ADAMTS3: variants seen among roughly 807,000 people sequenced by gnomAD.
ADAMTS3 encodes the protein ADAM metallopeptidase with thrombospondin type 1 motif 3.
In ADAMTS3, 73 loss-of-function variants were observed where a neutral mutation model predicts 129.0. The observed-to-expected ratio is 0.57, with a 90% CI of 0.47 to 0.69. The LOEUF is 0.69. ADAMTS3 is among the 30% of genes least tolerant of loss of function. The pLI is 0.00. For synonymous variants in ADAMTS3, 477 were observed against 510.8 expected, an observed-to-expected ratio of 0.93 and a Z score of 0.89; for missense variants, 1,457 against 1,514.5, an observed-to-expected ratio of 0.96 and a Z score of 0.63.
intron 2 of ADAMTS3, among the ~76,000 whole-genome samples, chr4:72,562,980 G>T (rs952442012): frequency 6.6e-6 from 1 of 152,124 alleles, no homozygotes; most frequent in Non-Finnish European, 1.5e-5. Flanking sequence ...TCATGATTTT[G>T]CCAGGCAATT....
At chr4:72,567,803 AC>A (rs1722055183) in intron 1 of ADAMTS3, among the ~76,000 whole-genome samples, 1 of 152,238 alleles carries the variant, frequency 6.6e-6, no homozygotes, top group African/African-American at 2.4e-5. Context: ...TCTACTTTTT[AC>A]CCTATGGTCG....
At chr4:72,364,460 C>T (rs1293059952) in intron 4 of ADAMTS3, among the ~76,000 whole-genome samples, 5 of 151,590 alleles carry the variant, frequency 3.3e-5, no homozygotes, top group Admixed American at 3.3e-4. Context: ...ACTAAAAATA[C>T]AAAAATTAGC....
At chr4:72,403,667 T>G (rs1018869725) in intron 4 of ADAMTS3, among the ~76,000 whole-genome samples, 24 of 152,068 alleles carry the variant, frequency 1.6e-4, no homozygotes, top group Admixed American at 1.6e-3. Context: ...TTCTTAACAC[T>G]ATTTTTTGCT....
At chr4:72,338,371 T>G (rs1480533300) in intron 5 of ADAMTS3, among the ~76,000 whole-genome samples, 1 of 152,174 alleles carries the variant, frequency 6.6e-6, no homozygotes, top group Non-Finnish European at 1.5e-5. Flanking sequence ...TTGTTTGGTC[T>G]TCATAACAGA....
At chr4:72,477,610 C>A (rs566866669) in intron 3 of ADAMTS3, among the ~76,000 whole-genome samples, 2 of 151,564 alleles carry the variant, frequency 1.3e-5, no homozygotes, top group Non-Finnish European at 2.9e-5. Context: ...AAATTGACAC[C>A]CTAACATCAC....
At chr4:72,374,455 T>A (rs967169841) in intron 4 of ADAMTS3, among the ~76,000 whole-genome samples, 1 of 152,306 alleles carries the variant, frequency 6.6e-6, no homozygotes, top group Admixed American at 6.5e-5. Context: ...TTATTATACA[T>A]GTGAATTATT....
At chr4:72,283,826 T>G in intron 21 of ADAMTS3, 122 bp from the exon 22 acceptor site, 1 of 733,664 alleles carries the variant, frequency 1.4e-6, no homozygotes, top group East Asian at 2.8e-5. Flanking sequence ...CTAACGGGAG[T>G]GATCCACACG....
intron 3 of ADAMTS3, among the ~76,000 whole-genome samples, chr4:72,534,940 G>C (rs1721149355): frequency 1.3e-5 from 2 of 152,112 alleles, no homozygotes; most frequent in African/African-American, 4.8e-5. Flanking sequence ...TTAGTGTCTA[G>C]AACCAATATG....
intron 14 of ADAMTS3, among the ~76,000 whole-genome samples, chr4:72,309,953 G>C (rs971273605): frequency 1.3e-5 from 2 of 151,942 alleles, no homozygotes; most frequent in Non-Finnish European, 2.9e-5. Context: ...ACTTCACCAG[G>C]GTGGTGAAGA....
At chr4:72,402,111 A>G (rs1721939946) in intron 4 of ADAMTS3, among the ~76,000 whole-genome samples, 1 of 152,200 alleles carries the variant, frequency 6.6e-6, no homozygotes, top group African/African-American at 2.4e-5. Flanking sequence ...ACCATTAGTT[A>G]GTTCTCTAAA....
At chr4:72,323,621 G>A (rs1056774359) in intron 5 of ADAMTS3, among the ~76,000 whole-genome samples, 13 of 152,114 alleles carry the variant, frequency 8.5e-5, no homozygotes, top group African/African-American at 2.4e-4. Flanking sequence ...GGGCAGGTGA[G>A]GCAATGACTG....
chr4:72,337,685 C>A (rs1311632492), intron 5 of ADAMTS3, among the ~76,000 whole-genome samples: 1 of 152,122 alleles, frequency 6.6e-6, no homozygotes, highest in East Asian at 1.9e-4. Flanking sequence ...TTTATCACTT[C>A]ATGATTGGAT....
At chr4:72,408,701 G>GAAAA (rs34586561) in intron 4 of ADAMTS3, among the ~76,000 whole-genome samples, 2 of 146,050 alleles carry the variant, frequency 1.4e-5, no homozygotes. Context: ...ATTGTACCTG[G>GAAAA]AAAAAAAAAA....
At chr4:72,327,817 A>C (rs922177893) in intron 5 of ADAMTS3, among the ~76,000 whole-genome samples, 1 of 152,210 alleles carries the variant, frequency 6.6e-6, no homozygotes, top group South Asian at 2.1e-4. Context: ...TAAAATTTGC[A>C]GCTTCTTTTC....
At chr4:72,416,666 A>G (rs559947482) in intron 3 of ADAMTS3, among the ~76,000 whole-genome samples, 1 of 152,306 alleles carries the variant, frequency 6.6e-6, no homozygotes, top group East Asian at 1.9e-4. Flanking sequence ...TTATATAATT[A>G]TTCCCTATTC....
At chr4:72,490,215 G>A (rs1426479625) in intron 3 of ADAMTS3, among the ~76,000 whole-genome samples, 4 of 151,770 alleles carry the variant, frequency 2.6e-5, no homozygotes, top group Non-Finnish European at 5.9e-5. Context: ...TTGTTTTGAT[G>A]CTATTGAGTT....
intron 4 of ADAMTS3, among the ~76,000 whole-genome samples, chr4:72,371,924 T>A (rs1721020118): frequency 6.6e-6 from 1 of 152,004 alleles, no homozygotes; most frequent in Non-Finnish European, 1.5e-5. Context: ...AAATGAATCA[T>A]TCTGTGTTCT....
intron 4 of ADAMTS3, among the ~76,000 whole-genome samples, chr4:72,395,209 G>T (rs940293713): frequency 3.9e-5 from 6 of 152,154 alleles, no homozygotes; most frequent in African/African-American, 4.8e-5. Flanking sequence ...ACAGGTGGGA[G>T]CCCAGCTGCA....
chr4:72,298,807 AAAATTTTTAAATTAAAATTTTT>A (rs1290453303), intron 17 of ADAMTS3, among the ~76,000 whole-genome samples: 6 of 151,452 alleles, frequency 4.0e-5, no homozygotes, highest in Admixed American at 2.0e-4. Context: ...TTAAAGGATT[AAAATTTTTAAATTAAAATTTTT>A]AAATTTTTAA....
Sources: allele counts gnomAD v4.1 joint callset (sites outside exome capture counted in the v4.1 genomes callset), GRCh38; gene constraint gnomAD v4.1.1; transcripts MANE v1.5; gene names NCBI Gene and HGNC (gene_info 2026-07-23, HGNC 2026-07-21).